The following CEP128 variants were observed in gnomAD, a reference collection of about 807,000 sequenced individuals.
The protein encoded by CEP128 is centrosomal protein 128.
A neutral mutation model predicts 156.7 loss-of-function variants in CEP128; 132 were observed. The observed-to-expected ratio is 0.84, with a 90% CI of 0.73 to 0.97. CEP128 has a LOEUF of 0.97. Ranked by LOEUF, CEP128 falls within the 50% of genes least tolerant of loss-of-function variation. CEP128 has a pLI of 0.00. For missense variants in CEP128, 1,252 were observed against 1,281.9 expected, an observed-to-expected ratio of 0.98 and a Z score of 0.36; for synonymous variants, 469 against 448.9, an observed-to-expected ratio of 1.04 and a Z score of -0.57.
At chr14:80,852,080 A>G (rs1886920394) in intron 9 of CEP128, among the ~76,000 whole-genome samples, 1 of 152,004 alleles carries the variant, frequency 6.6e-6, no homozygotes, top group Non-Finnish European at 1.5e-5. Context: ...AAATTTATAT[A>G]TGTGTGTGTG....
intron 23 of CEP128, among the ~76,000 whole-genome samples, chr14:80,511,014 T>C (rs1327273821): frequency 6.6e-6 from 1 of 151,568 alleles, no homozygotes; most frequent in African/African-American, 2.4e-5. Context: ...TTGTTGAAGA[T>C]TTTTTTCATC....
intron 19 of CEP128, among the ~76,000 whole-genome samples, chr14:80,720,346 G>GT (rs1897769297): frequency 1.3e-5 from 2 of 152,178 alleles, no homozygotes; most frequent in African/African-American, 4.8e-5. Context: ...AAGGACAGTA[G>GT]TTGAGTGTCA....
intron 8 of CEP128, among the ~76,000 whole-genome samples, chr14:80,868,785 C>G (rs1292351049): frequency 6.6e-6 from 1 of 151,600 alleles, no homozygotes; most frequent in Non-Finnish European, 1.5e-5. Flanking sequence ...ACAAATAGAC[C>G]AAAAAATGAA....
At chr14:80,644,224 G>C (rs932001504) in intron 19 of CEP128, among the ~76,000 whole-genome samples, 2 of 152,190 alleles carry the variant, frequency 1.3e-5, no homozygotes, top group African/African-American at 2.4e-5. Flanking sequence ...AGAACTGTGA[G>C]AGAATAAATT....
At chr14:80,786,694 A>G (rs1392182372) in intron 14 of CEP128, among the ~76,000 whole-genome samples, 5 of 152,210 alleles carry the variant, frequency 3.3e-5, no homozygotes, top group Non-Finnish European at 7.3e-5. Context: ...AAATAATAAT[A>G]GCTATTTCAT....
intron 19 of CEP128, among the ~76,000 whole-genome samples, chr14:80,708,020 C>G (rs576352365): frequency 6.6e-6 from 1 of 152,156 alleles, no homozygotes; most frequent in Non-Finnish European, 1.5e-5. Flanking sequence ...TATGGTATAT[C>G]CTGTAGATTA....
intron 2 of CEP128, among the ~76,000 whole-genome samples, chr14:80,949,064 C>CA (rs1390740621): frequency 2.6e-5 from 4 of 152,208 alleles, no homozygotes; most frequent in African/African-American, 9.6e-5. Flanking sequence ...GGTGGAGTAA[C>CA]AGAGACCAGA....
chr14:80,598,004 G>A (rs536849908), intron 19 of CEP128, among the ~76,000 whole-genome samples: 1 of 143,698 alleles, frequency 7.0e-6, no homozygotes, highest in Admixed American at 7.0e-5. Flanking sequence ...GCTAAATGGT[G>A]AAAGACTGAA....
chr14:80,654,453 G>A (rs1464465946), intron 19 of CEP128, among the ~76,000 whole-genome samples: 1 of 152,064 alleles, frequency 6.6e-6, no homozygotes, highest in African/African-American at 2.4e-5. Context: ...GGACAAGAAC[G>A]ACTTAGTTTT....
At chr14:80,798,000 A>G (rs1395903754) in intron 13 of CEP128, among the ~76,000 whole-genome samples, 2 of 152,184 alleles carry the variant, frequency 1.3e-5, no homozygotes, top group Non-Finnish European at 2.9e-5. Flanking sequence ...CTCAGCCACT[A>G]AAGCAGAATG....
chr14:80,830,233 T>C (rs760701832), intron 13 of CEP128: 2 of 655,380 alleles, frequency 3.1e-6, no homozygotes, highest in South Asian at 3.5e-5. Context: ...TTTCATTATC[T>C]TTACAATCCA....
intron 19 of CEP128, among the ~76,000 whole-genome samples, chr14:80,624,560 G>A (rs1389561716): frequency 6.6e-6 from 1 of 152,024 alleles, no homozygotes; most frequent in Non-Finnish European, 1.5e-5. Context: ...TACAATAGTT[G>A]CCTTTTCTCC....
chr14:80,574,326 G>T (rs1891266663), intron 20 of CEP128, among the ~76,000 whole-genome samples: 1 of 152,142 alleles, frequency 6.6e-6, no homozygotes, highest in South Asian at 2.1e-4. Flanking sequence ...ACTCGTGGCT[G>T]CCCCACCCTG....
intron 12 of CEP128, among the ~76,000 whole-genome samples, chr14:80,832,903 A>C (rs2140051491): frequency 6.6e-6 from 1 of 152,334 alleles, no homozygotes; most frequent in South Asian, 2.1e-4. Flanking sequence ...AACATTTTCT[A>C]TAAAGGATCA....
intron 19 of CEP128, among the ~76,000 whole-genome samples, chr14:80,657,946 C>G (rs915384715): frequency 1.3e-5 from 2 of 152,060 alleles, no homozygotes; most frequent in South Asian, 2.1e-4. Context: ...AGAACTCTTA[C>G]GTAAACCAAG....
At chr14:80,527,125 G>T in intron 22 of CEP128, 143 bp from the exon 23 acceptor site, 1 of 561,574 alleles carries the variant, frequency 1.8e-6, no homozygotes, top group South Asian at 2.3e-5. Flanking sequence ...GAGAATCACA[G>T]GCCACCATAG....
intron 16 of CEP128, among the ~76,000 whole-genome samples, chr14:80,763,196 C>T (rs748913881): frequency 4.6e-5 from 7 of 152,134 alleles, no homozygotes; most frequent in Non-Finnish European, 8.8e-5. Flanking sequence ...CCAGCATGTT[C>T]ACCACACATC....
At chr14:80,561,896 C>CTA (rs145642470) in intron 20 of CEP128, among the ~76,000 whole-genome samples, 4,983 of 142,222 alleles carry the variant, frequency 0.035, 155 homozygotes, top group East Asian at 0.14. Flanking sequence ...ATACGAAGGT[C>CTA]TATATATATA....
intron 19 of CEP128, among the ~76,000 whole-genome samples, chr14:80,725,183 ATTTT>A (rs201490130): frequency 7.3e-6 from 1 of 137,076 alleles, no homozygotes; most frequent in Non-Finnish European, 1.6e-5. Flanking sequence ...TGTTTTCCCA[ATTTT>A]TTTTTTTTTT....
Sources: allele counts gnomAD v4.1 joint callset (sites outside exome capture counted in the v4.1 genomes callset), GRCh38; gene constraint gnomAD v4.1.1; transcripts MANE v1.5; gene names NCBI Gene and HGNC (gene_info 2026-07-23, HGNC 2026-07-21).